The following KDM3B variants were observed in gnomAD, a reference collection of about 807,000 sequenced individuals.
KDM3B encodes the protein lysine-specific demethylase 3B.
Under a neutral mutation model 170.0 loss-of-function variants are expected in KDM3B, and 10 were observed. The ratio of observed to expected loss-of-function variants is 0.06; its 90% CI spans 0.04 to 0.10. KDM3B has a LOEUF of 0.10. Among genes scored for constraint, KDM3B ranks in the 10% least tolerant of loss-of-function variants. The pLI is 1.00. For synonymous variants in KDM3B, 831 were observed against 834.8 expected (o/e 1.00, Z 0.08); for missense variants, 1,394 against 2,195.2 (o/e 0.64, Z 7.29).
At chr5:138,394,817 G>A (rs1762511022) in intron 9 of KDM3B, among the ~76,000 whole-genome samples, 1 of 152,188 alleles carries the variant, frequency 6.6e-6, no homozygotes, top group African/African-American at 2.4e-5. Context: ...CTATGTAGAG[G>A]CAAGGGCAGA....
At chr5:138,410,568 G>A (rs1762938746) in intron 11 of KDM3B, among the ~76,000 whole-genome samples, 1 of 152,166 alleles carries the variant, frequency 6.6e-6, no homozygotes, top group Non-Finnish European at 1.5e-5. Context: ...ACAAGAGAGT[G>A]TAGAAATAAA....
intron 1 of KDM3B, among the ~76,000 whole-genome samples, chr5:138,365,561 A>G (rs1374888201): frequency 6.6e-6 from 1 of 151,882 alleles, no homozygotes; most frequent in African/African-American, 2.4e-5. Context: ...CATGGCCTAT[A>G]CAGTATTCTT....
intron 11 of KDM3B, among the ~76,000 whole-genome samples, chr5:138,413,854 G>A (rs561260269): frequency 2.0e-5 from 3 of 152,246 alleles, no homozygotes; most frequent in African/African-American, 7.2e-5. Flanking sequence ...CTGGGCTCAA[G>A]TTCCTGAGCC....
At chr5:138,387,270 C>T (rs939864464) in intron 7 of KDM3B, among the ~76,000 whole-genome samples, 3 of 152,152 alleles carry the variant, frequency 2.0e-5, no homozygotes, top group Non-Finnish European at 2.9e-5. Flanking sequence ...AGTTGTCTCC[C>T]TAATCCAAAA....
In KDM3B at chr5:138,391,524, A is replaced by T; in HGVS notation, c.1892A>T (p.Glu631Val). The change falls in exon 8 of 24, where the codon GAA becomes GTA. Residue 631 changes from glutamate to valine, a missense_variant. Coordinates refer to ENST00000314358, the MANE Select transcript of KDM3B (RefSeq NM_016604.4). This position sits in a 1 kb window ranked among gnomAD's most constrained non-coding sequence, Gnocchi z 5.0. ...LFLQPPKLSR[E>V]EPSNPFLAFV... is the part of the protein sequence containing the mutation. ...TTACAGCCCCCCAAATTGTCCCGAG[A>T]AGAGCCTTCTAATCCTTTCCTGGCA... The T allele has an allele frequency of 1.9e-6, 3 of 1,614,066 alleles. No homozygotes were observed. Among genetic ancestry groups the T allele is most frequent in the Non-Finnish European group, 2.5e-6 (3 of 1,180,034 alleles).
intron 5 of KDM3B, among the ~76,000 whole-genome samples, chr5:138,380,474 G>A (rs548323346): frequency 2.1e-4 from 32 of 151,716 alleles, no homozygotes; most frequent in African/African-American, 7.7e-4. Flanking sequence ...GAGCATTTTT[G>A]TATGTAAATG....
intron 11 of KDM3B, among the ~76,000 whole-genome samples, chr5:138,401,874 G>A (rs1762702692): frequency 1.3e-5 from 2 of 151,946 alleles, no homozygotes; most frequent in Non-Finnish European, 1.5e-5. Flanking sequence ...GGTGACTAAC[G>A]ATGTTGAGTA....
At chr5:138,400,126 G>A in intron 11 of KDM3B, 114 bp downstream of exon 11, 1 of 1,002,746 alleles carries the variant, frequency 1.0e-6, no homozygotes, top group Admixed American at 2.3e-5. Flanking sequence ...TAGCTGCTTG[G>A]CTTCATTCAA....
At chr5:138,429,262 G>C (rs1376235271) in intron 20 of KDM3B, among the ~76,000 whole-genome samples, 4 of 152,078 alleles carry the variant, frequency 2.6e-5, no homozygotes, top group African/African-American at 9.7e-5. Context: ...ATGTTGGCCA[G>C]GCTGGGCTCG....
At chr5:138,361,048 G>A (rs1761595835) in intron 1 of KDM3B, among the ~76,000 whole-genome samples, 1 of 152,092 alleles carries the variant, frequency 6.6e-6, no homozygotes, top group South Asian at 2.1e-4. Flanking sequence ...CAAAATGGTG[G>A]GTAAGAAACA....
chr5:138,388,920 A>C (rs1304598505), intron 7 of KDM3B, among the ~76,000 whole-genome samples: 2 of 152,372 alleles, frequency 1.3e-5, no homozygotes, highest in South Asian at 4.1e-4. Flanking sequence ...CTGGCTTGAC[A>C]TGAGTTTCTC....
chr5:138,372,069 C>A (rs1440559871), intron 1 of KDM3B, among the ~76,000 whole-genome samples: 2 of 152,178 alleles, frequency 1.3e-5, no homozygotes, highest in East Asian at 1.9e-4. Flanking sequence ...GCTGAGATCA[C>A]GCCATTTCAC....
chr5:138,370,298 T>C (rs984267173), intron 1 of KDM3B, among the ~76,000 whole-genome samples: 6 of 152,182 alleles, frequency 3.9e-5, no homozygotes, highest in African/African-American at 9.7e-5. Context: ...TTACAGATAA[T>C]AGAGCTAGAA....
At chr5:138,428,226 G>A (rs1475033805) in intron 20 of KDM3B, 140 bp downstream of exon 20, 15 of 900,154 alleles carry the variant, frequency 1.7e-5, no homozygotes, top group African/African-American at 3.4e-5. Context: ...TGGGGGGCGG[G>A]GAGGCAGAGT....
intron 11 of KDM3B, among the ~76,000 whole-genome samples, chr5:138,412,604 C>T (rs1354167829): frequency 3.3e-5 from 5 of 150,782 alleles, no homozygotes; most frequent in Non-Finnish European, 7.4e-5. Context: ...CAGTGAGCCA[C>T]GATCGTGCCA....
At chr5:138,407,381 T>C (rs550016844) in intron 11 of KDM3B, among the ~76,000 whole-genome samples, 1 of 152,200 alleles carries the variant, frequency 6.6e-6, no homozygotes, top group South Asian at 2.1e-4. Context: ...AGAACCTAAA[T>C]AACTTTACAT....
At chr5:138,398,059 T>A (rs1762590300) in intron 9 of KDM3B, 119 bp from the exon 10 acceptor site, 1 of 739,644 alleles carries the variant, frequency 1.4e-6, no homozygotes, top group Non-Finnish European at 2.3e-6. Context: ...GGTCGACTGG[T>A]GAAAATTCTT....
In KDM3B at chr5:138,391,454, A is replaced by C; in HGVS notation, c.1822A>C (p.Ser608Arg). 2 of 1,614,026 alleles carry C rather than the reference A, an allele frequency of 1.2e-6. No individual in the cohort carries two copies. Among genetic ancestry groups the C allele is most frequent in the South Asian group, 2.2e-5 (2 of 91,080 alleles). The change falls in exon 8 of 24, where the codon AGC becomes CGC. Residue 608 changes from serine (S) to arginine (R), a missense_variant. Around this residue, in one of 19 missense-constraint regions of KDM3B, gnomAD observed 294 missense variants for 311.7 expected, o/e 0.94. Coordinates refer to ENST00000314358, the MANE Select transcript of KDM3B (RefSeq NM_016604.4). This position sits in a 1 kb window ranked among gnomAD's most constrained non-coding sequence, Gnocchi z 5.0. Reference protein sequence around the residue: ...MPTLTPAFPRSLLNARTPENH... With the variant: ...MPTLTPAFPRRLLNARTPENH... ...CACCCTCACTCCAGCCTTCCCACGG[A>C]GCCTCCTAAATGCCCGTACCCCAGA...
intron 1 of KDM3B, among the ~76,000 whole-genome samples, chr5:138,365,674 C>G (rs1224768906): frequency 6.6e-6 from 1 of 151,642 alleles, no homozygotes; most frequent in Non-Finnish European, 1.5e-5. Context: ...AAAAGTAATT[C>G]TTTCCTCTTT....
Sources: gnomAD v4.1 joint callset for allele counts (sites outside exome capture counted in the v4.1 genomes callset) on GRCh38, gnomAD v4.1.1 for gene constraint, gnomAD v4.1.1 regional missense constraint, Gnocchi (gnomAD v3.1) non-coding constraint, MANE v1.5 for transcripts, NCBI Gene and HGNC (gene_info 2026-07-23, HGNC 2026-07-21) for gene names.